Variants in IL1RAPL2 observed in about 807,000 individuals in gnomAD.
IL1RAPL2 encodes interleukin 1 receptor accessory protein like 2.
Under a neutral mutation model 44.1 loss-of-function variants are expected in IL1RAPL2, and 3 were observed. That is an observed-to-expected ratio of 0.07 (90% confidence interval 0.03 to 0.18). The LOEUF is 0.18. IL1RAPL2 is among the 10% of genes least tolerant of loss of function. IL1RAPL2 has a pLI of 1.00. For synonymous variants in IL1RAPL2, 181 were observed against 178.8 expected, an observed-to-expected ratio of 1.01 and a Z score of -0.10; for missense variants, 391 against 496.4, an observed-to-expected ratio of 0.79 and a Z score of 2.02.
At chrX:105,576,781 G>T (rs1284088127) in intron 6 of IL1RAPL2, among the ~76,000 whole-genome samples, 1 of 111,445 alleles carries the variant, frequency 9.0e-6, no homozygotes, top group African/African-American at 3.3e-5. Flanking sequence ...TATGATTAGA[G>T]AATACAACTA....
intron 2 of IL1RAPL2, among the ~76,000 whole-genome samples, chrX:105,116,661 G>T (rs1414532594): frequency 8.9e-6 from 1 of 112,264 alleles, no homozygotes; most frequent in Non-Finnish European, 1.9e-5. Context: ...TTTTAGAGGT[G>T]ACTGAAGTTT....
At chrX:105,307,969 T>C (rs1042057585) in intron 5 of IL1RAPL2, among the ~76,000 whole-genome samples, 4 of 109,449 alleles carry the variant, frequency 3.7e-5, no homozygotes, top group Non-Finnish European at 7.6e-5. Flanking sequence ...CATGGAACTT[T>C]TGTTCATTTC....
At chrX:105,596,416 A>G (rs960732216) in intron 6 of IL1RAPL2, among the ~76,000 whole-genome samples, 3 of 109,647 alleles carry the variant, frequency 2.7e-5, no homozygotes, top group African/African-American at 9.9e-5. Flanking sequence ...TTTTTTGACC[A>G]TTGGTTGTTC....
intron 2 of IL1RAPL2, among the ~76,000 whole-genome samples, chrX:104,890,148 A>G (rs1485505222): frequency 1.8e-5 from 2 of 112,128 alleles, no homozygotes; most frequent in Admixed American, 9.5e-5. Flanking sequence ...TTATGGCTGC[A>G]TAGTATACTG....
chrX:105,074,872 G>A (rs1476700281), intron 2 of IL1RAPL2, among the ~76,000 whole-genome samples: 1 of 110,519 alleles, frequency 9.0e-6, no homozygotes, highest in Non-Finnish European at 1.9e-5. Flanking sequence ...GAATGCTTGT[G>A]ATTTTTGCAC....
chrX:105,028,616 T>G (rs1343949798), intron 2 of IL1RAPL2, among the ~76,000 whole-genome samples: 1 of 111,456 alleles, frequency 9.0e-6, no homozygotes, highest in African/African-American at 3.3e-5. Flanking sequence ...TAGTGGGTTG[T>G]ATTAACATCT....
intron 5 of IL1RAPL2, among the ~76,000 whole-genome samples, chrX:105,461,573 C>T (rs1478974314): frequency 1.8e-5 from 2 of 111,204 alleles, no homozygotes; most frequent in East Asian, 2.8e-4. Flanking sequence ...TTTTCTTCCC[C>T]GCCCAAAGGC....
intron 2 of IL1RAPL2, among the ~76,000 whole-genome samples, chrX:105,129,393 G>T (rs1307008029): frequency 1.8e-5 from 2 of 110,683 alleles, no homozygotes; most frequent in Non-Finnish European, 3.8e-5. Context: ...CCTTCCAAAG[G>T]CAATACTTCT....
chrX:105,048,542 AT>A (rs981816633), intron 2 of IL1RAPL2, among the ~76,000 whole-genome samples: 352 of 111,327 alleles, frequency 3.2e-3, no homozygotes, highest in Non-Finnish European at 5.9e-3. Flanking sequence ...GATATTGCAC[AT>A]TTTTTTTCAT....
chrX:105,214,968 A>C (rs1425144459), intron 3 of IL1RAPL2, among the ~76,000 whole-genome samples: 4 of 112,656 alleles, frequency 3.6e-5, no homozygotes, highest in Non-Finnish European at 7.5e-5. Context: ...AGCAGTGTTA[A>C]GAGGGAAATG....
chrX:105,088,099 G>A (rs1288593963), intron 2 of IL1RAPL2, among the ~76,000 whole-genome samples: 2 of 112,028 alleles, frequency 1.8e-5, no homozygotes, highest in East Asian at 5.6e-4. Context: ...AAGAATGTTT[G>A]TTAAACTCTT....
At position 105,311,611 on chromosome X, in the gene IL1RAPL2, TAC is replaced by T. The variant is rs369751919; in HGVS notation, c.697+44100_697+44101del. 6.1e-3 allele frequency among the ~76,000 whole-genome samples: 566 copies of T among 92,457 alleles called. 1 individual carries two copies. The highest frequency in any genetic ancestry group is 0.014 in the Admixed American group (116 of 8,331). The allele number at this position is 92,457 out of a possible 115,157, so 80.3% of individuals were successfully genotyped here. ...CTCTTTGTGGATGATTATACATACA[TAC>T]ACACACACACACACACACACACACA... On this transcript the variant is annotated intron_variant, in intron 5 of 10. Coordinates refer to ENST00000372582, the MANE Select transcript of IL1RAPL2 (RefSeq NM_017416.2).
chrX:105,030,598 G>C (rs1479054472), intron 2 of IL1RAPL2, among the ~76,000 whole-genome samples: 1 of 111,544 alleles, frequency 9.0e-6, no homozygotes, highest in Middle Eastern at 4.3e-3. Flanking sequence ...CTGTTCCATT[G>C]ATCTATATCT....
At chrX:105,031,261 C>T (rs2031488234) in intron 2 of IL1RAPL2, among the ~76,000 whole-genome samples, 1 of 106,854 alleles carries the variant, frequency 9.4e-6, no homozygotes, top group Admixed American at 1.0e-4. Flanking sequence ...ATTGCCCTGG[C>T]CAGAACTTCC....
intron 6 of IL1RAPL2, among the ~76,000 whole-genome samples, chrX:105,506,003 G>A (rs945717384): frequency 1.8e-5 from 2 of 110,970 alleles, no homozygotes; most frequent in African/African-American, 3.3e-5. Context: ...ACTATACCTC[G>A]GACACTCTAT....
chrX:104,627,420 C>T (rs912989222), intron 1 of IL1RAPL2, among the ~76,000 whole-genome samples: 1 of 108,320 alleles, frequency 9.2e-6, no homozygotes, highest in Non-Finnish European at 1.9e-5. Flanking sequence ...CAACATGGCA[C>T]ATGTATACAT....
chrX:105,661,763 C>T (rs1266529488), intron 6 of IL1RAPL2, among the ~76,000 whole-genome samples: 3 of 112,443 alleles, frequency 2.7e-5, no homozygotes, highest in African/African-American at 9.7e-5. Context: ...GCTTGAAAGC[C>T]ATTCTGCATT....
intron 2 of IL1RAPL2, among the ~76,000 whole-genome samples, chrX:104,936,621 C>CT (rs1186693127): frequency 0.016 from 1,422 of 88,497 alleles, 29 homozygotes; most frequent in South Asian, 0.025. Flanking sequence ...TTACCAGACT[C>CT]TTTTTTTTTT....
At chrX:104,811,250 A>AGG (rs1932975485) in intron 2 of IL1RAPL2, among the ~76,000 whole-genome samples, 1 of 111,706 alleles carries the variant, frequency 9.0e-6, no homozygotes, top group African/African-American at 3.3e-5. Flanking sequence ...GTCAGGAAAG[A>AGG]GGGGATGATC....
Sources: allele counts gnomAD v4.1 joint callset (sites outside exome capture counted in the v4.1 genomes callset), GRCh38; gene constraint gnomAD v4.1.1; transcripts MANE v1.5; gene names NCBI Gene and HGNC (gene_info 2026-07-23, HGNC 2026-07-21).